XG: variants seen among roughly 807,000 people sequenced by gnomAD.
XG encodes glycoprotein Xg.
XG carries 24 observed loss-of-function variants against 25.7 expected under a neutral mutation model. The ratio of observed to expected loss-of-function variants is 0.93; its 90% CI spans 0.68 to 1.31. XG has a LOEUF of 1.31. XG is among the 40% of genes most tolerant of loss of function. The pLI is 0.00. For missense variants in XG, 181 were observed against 187.6 expected (o/e 0.96, Z 0.21); for synonymous variants, 77 against 69.2 (o/e 1.11, Z -0.56).
At chrX:2,783,847 C>T (rs1399674148) in intron 4 of XG, among the ~76,000 whole-genome samples, 1 of 111,975 alleles carries the variant, frequency 8.9e-6, no homozygotes. Context: ...TGGTGGCATG[C>T]GCCTATAATC....
intron 1 of XG, among the ~76,000 whole-genome samples, chrX:2,767,106 G>A (rs2535447): frequency 0.32 from 48,574 of 151,636 alleles, 7,686 homozygotes; most frequent in East Asian, 0.36. Context: ...GTATTGTTTC[G>A]TAAGCCTGAA....
intron 4 of XG, among the ~76,000 whole-genome samples, chrX:2,788,917 GC>G (rs201501400): frequency 0.011 from 1,247 of 110,645 alleles, 5 homozygotes; most frequent in Non-Finnish European, 0.018. Context: ...AAAAGTCATT[GC>G]AAAAAGTTTT....
At chrX:2,766,425 C>T (rs1320533560) in intron 1 of XG, among the ~76,000 whole-genome samples, 1 of 152,110 alleles carries the variant, frequency 6.6e-6, no homozygotes, top group East Asian at 1.9e-4. Context: ...AGGCGTGAGC[C>T]ACCGCACCCG....
chrX:2,812,449 C>T (rs2087067035), intron 10 of XG, among the ~76,000 whole-genome samples: 1 of 111,294 alleles, frequency 9.0e-6, no homozygotes, highest in Non-Finnish European at 1.9e-5. Context: ...CCACCCACGT[C>T]AGAATCTGTC....
At chrX:2,752,899 C>G in intron 1 of XG, 1 of 985,154 alleles carries the variant, frequency 1.0e-6, no homozygotes, top group Non-Finnish European at 1.2e-6. Context: ...AACTTGCAGG[C>G]TGGCTGTCCC....
intron 3 of XG, among the ~76,000 whole-genome samples, chrX:2,781,646 T>C (rs1178832755): frequency 8.9e-6 from 1 of 111,750 alleles, no homozygotes; most frequent in African/African-American, 3.3e-5. Context: ...TTCATCGGTG[T>C]TTCATTATTG....
chrX:2,787,205 C>G (rs778516980), intron 4 of XG, among the ~76,000 whole-genome samples: 4 of 109,304 alleles, frequency 3.7e-5, no homozygotes, highest in Non-Finnish European at 7.6e-5. Flanking sequence ...GCCACCCAGT[C>G]TTTGGTATTC....
chrX:2,759,476 TACTG>T (rs1352337743), intron 1 of XG, among the ~76,000 whole-genome samples: 3 of 152,308 alleles, frequency 2.0e-5, no homozygotes, highest in South Asian at 4.1e-4. Context: ...AAATGGATCT[TACTG>T]TCAGAATGCA....
intron 3 of XG, among the ~76,000 whole-genome samples, chrX:2,776,972 C>G (rs2051012632): frequency 6.6e-6 from 1 of 152,172 alleles, no homozygotes; most frequent in African/African-American, 2.4e-5. Context: ...CACTATCAAG[C>G]AAGAATTGAA....
intron 5 of XG, among the ~76,000 whole-genome samples, chrX:2,794,194 G>A (rs1271949097): frequency 9.0e-6 from 1 of 111,321 alleles, no homozygotes; most frequent in Non-Finnish European, 1.9e-5. Flanking sequence ...TGGAGATGGG[G>A]CACCCTGAGA....
intron 1 of XG, among the ~76,000 whole-genome samples, chrX:2,767,077 C>A (rs2050715895): frequency 6.6e-6 from 1 of 151,970 alleles, no homozygotes; most frequent in African/African-American, 2.4e-5. Flanking sequence ...GAGGCTGCTG[C>A]TGAGGCCTGC....
chrX:2,805,007 C>G (rs2086981010), intron 7 of XG, among the ~76,000 whole-genome samples: 2 of 112,511 alleles, frequency 1.8e-5, no homozygotes, highest in Admixed American at 9.4e-5. Context: ...CCCCTGCTCT[C>G]CAGCCCCGGC....
intron 1 of XG, among the ~76,000 whole-genome samples, chrX:2,757,980 A>C (rs2050472914): frequency 1.0e-5 from 1 of 98,152 alleles, no homozygotes; most frequent in Non-Finnish European, 2.4e-5. Context: ...TCAAAAAAAA[A>C]AAAAAAAAAA....
Position 2,787,202 on chromosome X carries a change from A to T in XG, c.191-2442A>T, listed in dbSNP as rs748696184. 1.1e-4 allele frequency among the ~76,000 whole-genome samples: 12 copies of T among 109,605 alleles called. No homozygotes were observed. The East Asian group carries it at 3.5e-3, about 32-fold the overall frequency. On this transcript the variant is annotated intron_variant, in intron 4 of 10. Coordinates refer to ENST00000644266, the MANE Select transcript of XG (RefSeq NM_001141919.2). ...AATGTCTGTTGTTTATAAGCCACCCAGTCTTTGGTATTCTGTGATAGCAGC... is the reference window on the plus strand; with the variant it reads ...AATGTCTGTTGTTTATAAGCCACCCTGTCTTTGGTATTCTGTGATAGCAGC...
At chrX:2,780,687 C>T (rs1303537103) in intron 3 of XG, among the ~76,000 whole-genome samples, 1 of 150,542 alleles carries the variant, frequency 6.6e-6, no homozygotes, top group Non-Finnish European at 1.5e-5. Context: ...CACTGCACTC[C>T]AGCTTGGGCG....
In XG at chrX:2,816,275, A is replaced by G. The variant is rs1011244603; in HGVS notation, c.*1895A>G. 2 of 112,030 alleles carry G rather than the reference A, an allele frequency of 1.8e-5. No homozygotes were observed. The highest frequency in any genetic ancestry group is 6.5e-5 in the African/African-American group (2 of 30,825). The allele number at this position is 112,030 out of a possible 1,213,427, so 9.2% of individuals were successfully genotyped here. A position where few individuals can be genotyped will look rare whatever the true frequency, so the allele number is the denominator to read the frequency against. ...TTGAACAGATGAGAAAAGCCTTGATAAAACGTCATCTCCATGTAATTTAGA... is the reference window on the plus strand; with the variant it reads ...TTGAACAGATGAGAAAAGCCTTGATGAAACGTCATCTCCATGTAATTTAGA... On this transcript the variant is annotated 3_prime_UTR_variant, in exon 11 of 11. Coordinates refer to ENST00000644266, the MANE Select transcript of XG (RefSeq NM_001141919.2).
chrX:2,760,532 G>T (rs1265976190), intron 1 of XG, among the ~76,000 whole-genome samples: 1 of 149,972 alleles, frequency 6.7e-6, no homozygotes, highest in Non-Finnish European at 1.5e-5. Context: ...TCAGGAGATG[G>T]AGATCATCCT....
intron 4 of XG, among the ~76,000 whole-genome samples, chrX:2,788,855 TAA>T (rs58649691): frequency 9.8e-6 from 1 of 101,589 alleles, no homozygotes; most frequent in Non-Finnish European, 2.0e-5. Flanking sequence ...AACTCCGTCT[TAA>T]AAAAAAAAGT....
rs141278364 is a variant in XG, at chrX:2,779,936, C to T, written c.128-2130C>T. On this transcript the variant is annotated intron_variant, in intron 3 of 10. Coordinates refer to ENST00000644266, the MANE Select transcript of XG (RefSeq NM_001141919.2). Reference sequence around the variant, plus strand: ...TGCTGGGATTACAGGGATGAGCCACCGTGTCCAGCCTCTGGTATACTTTAA... The same window carrying T: ...TGCTGGGATTACAGGGATGAGCCACTGTGTCCAGCCTCTGGTATACTTTAA... Among the ~76,000 whole-genome samples the T allele has an allele frequency of 4.9e-3, 753 of 152,236 alleles. 11 individuals carry two copies. The highest frequency in any genetic ancestry group is 0.017 in the African/African-American group (699 of 41,536).
Sources: gnomAD v4.1 joint callset for allele counts (sites outside exome capture counted in the v4.1 genomes callset) on GRCh38, gnomAD v4.1.1 for gene constraint, MANE v1.5 for transcripts, NCBI Gene and HGNC (gene_info 2026-07-23, HGNC 2026-07-21) for gene names.